Variants in ACTR3C observed in about 807,000 individuals in gnomAD.
The protein encoded by ACTR3C is actin-related protein 3C.
A neutral mutation model predicts 26.3 loss-of-function variants in ACTR3C; 18 were observed. That is an observed-to-expected ratio of 0.68 (90% CI 0.47 to 1.01). ACTR3C has a LOEUF of 1.01. ACTR3C is among the 50% of genes least tolerant of loss of function. The pLI is 0.00. For missense variants in ACTR3C, 184 were observed against 250.7 expected (o/e 0.73, Z 1.80); for synonymous variants, 55 against 94.5 (o/e 0.58, Z 2.42).
the ACTR3C span, among the ~76,000 whole-genome samples, chr7:149,946,040 G>T: frequency 2.0e-5 from 3 of 152,264 alleles, no homozygotes; most frequent in East Asian, 1.9e-4. Flanking sequence ...AGTGAATCAT[G>T]GGGGGGAAAG....
chr7:150,173,757 T>C, the ACTR3C span, among the ~76,000 whole-genome samples: 4 of 143,652 alleles, frequency 2.8e-5, no homozygotes, highest in South Asian at 2.2e-4. Context: ...AGCACCCAAG[T>C]TACCTCTTGA....
the ACTR3C span, among the ~76,000 whole-genome samples, chr7:150,009,777 G>A: frequency 6.6e-6 from 1 of 152,234 alleles, no homozygotes; most frequent in Non-Finnish European, 1.5e-5. Flanking sequence ...AGCTGAGTGT[G>A]GCTTTTAGTG....
At chr7:150,133,546 T>C in the ACTR3C span, among the ~76,000 whole-genome samples, 25,604 of 151,722 alleles carry the variant, frequency 0.17, 2,126 homozygotes, top group African/African-American at 0.19. Context: ...GGAAAATGCA[T>C]TGGACCTGGA....
At chr7:149,963,243 C>T in the ACTR3C span, among the ~76,000 whole-genome samples, 6,064 of 148,228 alleles carry the variant, frequency 0.041, 290 homozygotes, top group African/African-American at 0.12. Flanking sequence ...TGAAATTAAA[C>T]GACTCTGTCC....
chr7:150,184,376 C>T, the ACTR3C span, among the ~76,000 whole-genome samples: 1 of 150,830 alleles, frequency 6.6e-6, no homozygotes, highest in African/African-American at 2.5e-5. Context: ...AGAACCCAGG[C>T]TGCAGCGGTC....
the ACTR3C span, among the ~76,000 whole-genome samples, chr7:149,888,170 T>TACA: frequency 6.6e-6 from 1 of 152,186 alleles, no homozygotes; most frequent in East Asian, 1.9e-4. Context: ...TACAATACTG[T>TACA]TACATACAGA....
At chr7:150,060,535 T>C in the ACTR3C span, among the ~76,000 whole-genome samples, 1 of 152,260 alleles carries the variant, frequency 6.6e-6, no homozygotes, top group East Asian at 1.9e-4. Flanking sequence ...GTTTTTGATT[T>C]GTATAACCCT....
At chr7:149,892,632 A>G in the ACTR3C span, among the ~76,000 whole-genome samples, 19 of 110,472 alleles carry the variant, frequency 1.7e-4, no homozygotes, top group East Asian at 5.3e-3. Flanking sequence ...GAGCTGCTCT[A>G]CTTTTATACT....
chr7:150,110,298 T>C, the ACTR3C span, among the ~76,000 whole-genome samples: 2 of 151,978 alleles, frequency 1.3e-5, no homozygotes, highest in East Asian at 1.9e-4. Flanking sequence ...ATTTAAATTG[T>C]TCTCTCTGCT....
the ACTR3C span, among the ~76,000 whole-genome samples, chr7:149,921,456 C>G: frequency 6.6e-6 from 1 of 152,184 alleles, no homozygotes; most frequent in Non-Finnish European, 1.5e-5. Context: ...TATTTCTTTC[C>G]TTATGGATGT....
the ACTR3C span, among the ~76,000 whole-genome samples, chr7:149,984,157 T>G: frequency 6.6e-6 from 1 of 152,084 alleles, no homozygotes; most frequent in Non-Finnish European, 1.5e-5. Flanking sequence ...CTATGTTTAG[T>G]TATGTTTTTT....
the ACTR3C span, among the ~76,000 whole-genome samples, chr7:150,135,760 A>C: frequency 6.8e-6 from 1 of 147,688 alleles, no homozygotes; most frequent in African/African-American, 2.6e-5. Context: ...CAAAGTCTGA[A>C]CTCTGAGAGA....
At chr7:149,908,929 G>A in the ACTR3C span, among the ~76,000 whole-genome samples, 20 of 151,900 alleles carry the variant, frequency 1.3e-4, no homozygotes, top group African/African-American at 7.3e-5. Flanking sequence ...TTACAGGCAC[G>A]CACCACCACA....
the ACTR3C span, among the ~76,000 whole-genome samples, chr7:150,106,442 T>C: frequency 0.028 from 4,160 of 150,202 alleles, 79 homozygotes; most frequent in African/African-American, 0.1. Context: ...CTTCTTAAAA[T>C]TGTGAATTCT....
At chr7:150,009,829 T>C in the ACTR3C span, among the ~76,000 whole-genome samples, 3 of 152,204 alleles carry the variant, frequency 2.0e-5, no homozygotes, top group Non-Finnish European at 2.9e-5. Flanking sequence ...GCTAATTCTC[T>C]CCTCTGTTCT....
At chr7:149,960,321 T>C in the ACTR3C span, among the ~76,000 whole-genome samples, 2 of 152,100 alleles carry the variant, frequency 1.3e-5, no homozygotes, top group Admixed American at 1.3e-4. Context: ...AAGTGATGTG[T>C]GTCTGAAAAT....
intron 6 of ACTR3C, chr7:150,264,961 G>A (rs1833919227): frequency 1.3e-6 from 1 of 789,810 alleles, no homozygotes; most frequent in African/African-American, 2.0e-5. Flanking sequence ...TACCCGAACT[G>A]AACAGTAACT....
At chr7:150,124,414 T>C in the ACTR3C span, among the ~76,000 whole-genome samples, 1 of 152,212 alleles carries the variant, frequency 6.6e-6, no homozygotes, top group South Asian at 2.1e-4. Flanking sequence ...GGTTGGCTCT[T>C]GATGGAGTGG....
the ACTR3C span, among the ~76,000 whole-genome samples, chr7:150,013,996 T>G: frequency 2.6e-5 from 4 of 152,008 alleles, no homozygotes; most frequent in Non-Finnish European, 5.9e-5. Context: ...CCAACCTGAG[T>G]GGCTGGGATA....
Sources: allele counts gnomAD v4.1 joint callset (sites outside exome capture counted in the v4.1 genomes callset), GRCh38; gene constraint gnomAD v4.1.1; transcripts MANE v1.5; gene names NCBI Gene and HGNC (gene_info 2026-07-23, HGNC 2026-07-21).